Variants in TTC39B observed in about 807,000 individuals in gnomAD.
TTC39B encodes tetratricopeptide repeat domain 39B, also known as tetratricopeptide repeat protein 39B.
In TTC39B, 92 loss-of-function variants were observed where a neutral mutation model predicts 96.6. That is an observed-to-expected ratio of 0.95 (90% CI 0.80 to 1.13). The LOEUF (loss-of-function observed/expected upper bound fraction) is 1.13, where lower values mean the gene tolerates loss of function less well. TTC39B is among the 50% of genes most tolerant of loss of function. The pLI is 0.00. For missense variants in TTC39B, 955 were observed against 809.3 expected (o/e 1.18, Z -2.18); for synonymous variants, 367 against 299.4 (o/e 1.23, Z -2.33).
chr9:15,248,620 G>GAATGAATGA (rs1231134673), intron 2 of TTC39B, among the ~76,000 whole-genome samples: 153 of 152,242 alleles, frequency 1.0e-3, no homozygotes, highest in African/African-American at 3.6e-3. Context: ...ATGAATGAAT[G>GAATGAATGA]AATGAATGAA....
At chr9:15,191,355 G>T in intron 9 of TTC39B, 100 bp from the exon 10 acceptor site, 2 of 740,190 alleles carry the variant, frequency 2.7e-6, no homozygotes, top group East Asian at 2.8e-5. Flanking sequence ...AATAACATGA[G>T]AAATTGGGAA....
intron 1 of TTC39B, among the ~76,000 whole-genome samples, chr9:15,279,985 C>A (rs760914117): frequency 2.0e-5 from 3 of 150,958 alleles, no homozygotes; most frequent in Non-Finnish European, 3.0e-5. Flanking sequence ...AACCTCCACC[C>A]CCCGGGTTCA....
chr9:15,182,229 G>T, intron 17 of TTC39B, 78 bp downstream of exon 17: 2 of 865,440 alleles, frequency 2.3e-6, no homozygotes, highest in East Asian at 2.7e-5. Context: ...AATGTTGGCA[G>T]ATGTGCACAG....
chr9:15,167,134 T>C (rs1229289827), exon 20 of TTC39B: 6 of 132,336 alleles, frequency 4.5e-5, no homozygotes, highest in Middle Eastern at 3.9e-3. Context: ...ACTCCTGGGA[T>C]CAAGCAATTA....
chr9:15,192,745 A>G (rs1453084791), intron 8 of TTC39B, 50 bp from the exon 9 acceptor site: 3 of 1,262,640 alleles, frequency 2.4e-6, no homozygotes, highest in Non-Finnish European at 3.4e-6. Flanking sequence ...GACTCTGAAA[A>G]TAAATATTAA....
chr9:15,255,686 C>T (rs1398557239), intron 2 of TTC39B, among the ~76,000 whole-genome samples: 3 of 152,006 alleles, frequency 2.0e-5, no homozygotes, highest in Non-Finnish European at 4.4e-5. Flanking sequence ...TTTATGCAAA[C>T]GTCAAGTGAA....
At chr9:15,178,689 T>A (rs909026699) in intron 17 of TTC39B, among the ~76,000 whole-genome samples, 1 of 152,228 alleles carries the variant, frequency 6.6e-6, no homozygotes, top group Non-Finnish European at 1.5e-5. Context: ...CTGAGCTTTG[T>A]GACCTTAGAT....
At chr9:15,213,069 C>T (rs1250584713) in intron 4 of TTC39B, among the ~76,000 whole-genome samples, 1 of 152,076 alleles carries the variant, frequency 6.6e-6, no homozygotes, top group Non-Finnish European at 1.5e-5. Context: ...AAGGAATTAT[C>T]ACATGTACTC....
At chr9:15,226,866 C>G (rs533583947) in intron 2 of TTC39B, among the ~76,000 whole-genome samples, 1 of 152,048 alleles carries the variant, frequency 6.6e-6, no homozygotes, top group Non-Finnish European at 1.5e-5. Flanking sequence ...AATTGCCAAT[C>G]TCCTTCCATT....
At chr9:15,293,634 G>A (rs917145211) in intron 1 of TTC39B, among the ~76,000 whole-genome samples, 1 of 152,198 alleles carries the variant, frequency 6.6e-6, no homozygotes, top group African/African-American at 2.4e-5. Context: ...CCAGCCAGGT[G>A]ATTTCTATGC....
At chr9:15,231,950 A>G (rs564930557) in intron 2 of TTC39B, among the ~76,000 whole-genome samples, 2 of 152,208 alleles carry the variant, frequency 1.3e-5, no homozygotes. Context: ...CAAATCCTGC[A>G]GAGACCTTGG....
At chr9:15,189,524 G>C (rs531052935) in intron 13 of TTC39B, 50 bp downstream of exon 13, 16 of 1,592,178 alleles carry the variant, frequency 1.0e-5, no homozygotes, top group South Asian at 5.5e-5. Flanking sequence ...ACTCATGTAG[G>C]AGTCGCCATA....
At chr9:15,224,119 G>A (rs1224576080) in intron 3 of TTC39B, among the ~76,000 whole-genome samples, 1 of 152,060 alleles carries the variant, frequency 6.6e-6, no homozygotes, top group East Asian at 1.9e-4. Flanking sequence ...TCTATTCACA[G>A]GCAAGAGCTT....
chr9:15,285,578 G>C (rs1285169318), intron 1 of TTC39B, among the ~76,000 whole-genome samples: 1 of 152,112 alleles, frequency 6.6e-6, no homozygotes, highest in Non-Finnish European at 1.5e-5. Context: ...ATACAGGCCG[G>C]GAGCGGTGGC....
intron 15 of TTC39B, chr9:15,185,660 C>T (rs962252245): frequency 1.3e-5 from 5 of 380,156 alleles, no homozygotes; most frequent in African/African-American, 1.1e-4. Flanking sequence ...TTGAGAACCA[C>T]TGACTGACAC....
At chr9:15,217,432 G>A (rs894634709) in intron 3 of TTC39B, among the ~76,000 whole-genome samples, 1 of 152,124 alleles carries the variant, frequency 6.6e-6, no homozygotes, top group African/African-American at 2.4e-5. Flanking sequence ...CAAAGTGGGA[G>A]CTCAGCACCT....
At chr9:15,301,058 T>C (rs1483308812) in intron 1 of TTC39B, among the ~76,000 whole-genome samples, 1 of 152,110 alleles carries the variant, frequency 6.6e-6, no homozygotes, top group Non-Finnish European at 1.5e-5. Context: ...AGTGCTCTCT[T>C]ATTCCCGCCC....
At chr9:15,166,779 G>A (rs1167843835) in exon 20 of TTC39B, 1 of 151,256 alleles carries the variant, frequency 6.6e-6, no homozygotes, top group Non-Finnish European at 1.5e-5. Flanking sequence ...CATTTCTTTG[G>A]AAAGAACTGT....
At position 15,166,982 on chromosome 9, in the gene TTC39B, T is replaced by TTTTTTTTATATATATA. The variant is rs1387664027; in HGVS notation, c.*5036_*5037insTATATATATAAAAAAA. ...TAACATGTGTCCACAAACCTTTATT[T>TTTTTTTTATATATATA]TATATATATATATATATATATATAT... On this transcript the variant is annotated 3_prime_UTR_variant, in exon 20 of 20. Transcript: ENST00000512701. 17 of 20,280 alleles carry TTTTTTTTATATATATA rather than the reference T, an allele frequency of 8.4e-4. 1 individual carries two copies. Among genetic ancestry groups the TTTTTTTTATATATATA allele is most frequent in the Non-Finnish European group, 1.5e-3 (17 of 11,340 alleles). 1.3% of individuals were successfully genotyped at this position (20,280 alleles called of 1,614,324 possible).
Sources: gnomAD v4.1 joint callset for allele counts (sites outside exome capture counted in the v4.1 genomes callset) on GRCh38, gnomAD v4.1.1 for gene constraint, MANE v1.5 for transcripts, NCBI Gene and HGNC (gene_info 2026-07-23, HGNC 2026-07-21) for gene names.